Variants in CLOCK observed in about 807,000 individuals in gnomAD.
CLOCK encodes clock circadian regulator.
A neutral mutation model predicts 118.4 loss-of-function variants in CLOCK; 43 were observed. That is an observed-to-expected ratio of 0.36 (90% CI 0.28 to 0.47). CLOCK has a LOEUF of 0.47. Among genes scored for constraint, CLOCK ranks in the 20% least tolerant of loss-of-function variants. The pLI, the probability that CLOCK is intolerant of heterozygous loss-of-function variation, is 1.00. For synonymous variants in CLOCK, 326 were observed against 339.2 expected, an observed-to-expected ratio of 0.96 and a Z score of 0.43; for missense variants, 846 against 999.9, an observed-to-expected ratio of 0.85 and a Z score of 2.08.
At chr4:55,489,780 G>A (rs182563844) in intron 2 of CLOCK, among the ~76,000 whole-genome samples, 25 of 152,184 alleles carry the variant, frequency 1.6e-4, no homozygotes, top group South Asian at 4.1e-4. Flanking sequence ...GAGTAAGAAA[G>A]TTACATTTTT....
chr4:55,474,994 A>AATAC (rs1229039667), intron 7 of CLOCK, among the ~76,000 whole-genome samples: 2 of 152,206 alleles, frequency 1.3e-5, no homozygotes, highest in African/African-American at 4.8e-5. Context: ...TTATTTAAGA[A>AATAC]ATACACTTCA....
intron 9 of CLOCK, among the ~76,000 whole-genome samples, chr4:55,459,739 T>C (rs955165740): frequency 6.6e-6 from 1 of 152,184 alleles, no homozygotes; most frequent in Non-Finnish European, 1.5e-5. Context: ...CACTGCTCAC[T>C]GTGGCATTGA....
At chr4:55,469,491 A>C (rs1453885084) in intron 8 of CLOCK, among the ~76,000 whole-genome samples, 2 of 152,204 alleles carry the variant, frequency 1.3e-5, no homozygotes, top group Non-Finnish European at 2.9e-5. Context: ...AGATGACTCC[A>C]TGCCTATTGT....
intron 2 of CLOCK, among the ~76,000 whole-genome samples, chr4:55,497,554 A>C (rs556662823): frequency 1.3e-5 from 2 of 152,314 alleles, no homozygotes; most frequent in South Asian, 2.1e-4. Flanking sequence ...TGAAACATCA[A>C]AGGATAATTT....
intron 8 of CLOCK, among the ~76,000 whole-genome samples, chr4:55,465,201 A>C (rs1180449026): frequency 6.6e-6 from 1 of 152,224 alleles, no homozygotes; most frequent in Non-Finnish European, 1.5e-5. Flanking sequence ...TAAACACTAT[A>C]GTATAACACA....
Position 55,444,741 on chromosome 4 carries a change from G to A in CLOCK, c.1584C>T (p.Asp528=), listed in dbSNP as rs34812164. Residue 528 remains aspartate (D), a synonymous_variant, in exon 19 of 23, where the codon GAC becomes GAT. Transcript: ENST00000513440. ...AQLGAMQHLK[D]QLEQRTRMIE... ...TCATGCGTGTCCGTTGTTCCAATTG[G>A]TCTTTCAGATGTTGCATGGCTCCTA... 4,602 of 1,613,998 alleles carry A rather than the reference G, an allele frequency of 2.9e-3. 9 individuals are homozygous for A. The highest frequency in any genetic ancestry group is 3.6e-3 in the Non-Finnish European group (4,262 of 1,179,996).
At chr4:55,497,894 C>G (rs752478591) in intron 2 of CLOCK, among the ~76,000 whole-genome samples, 12 of 151,734 alleles carry the variant, frequency 7.9e-5, no homozygotes, top group Non-Finnish European at 1.5e-4. Flanking sequence ...GAATTAAACC[C>G]CAGACTTTGT....
rs373796432 is a variant in CLOCK, at chr4:55,531,703, CAAAAAAAAAAAAAA to C, written c.-290+15065_-290+15078del. On this transcript the variant is annotated intron_variant, in intron 1 of 22. Coordinates refer to ENST00000513440, the MANE Select transcript of CLOCK (RefSeq NM_004898.4). The stretch of plus-strand genomic sequence containing the variant: ...CTGGCGACAGAGCAAGACTTCGTCT[CAAAAAAAAAAAAAA>C]AAAAAAAAAAAAAAGGAATTAACCC... Among the ~76,000 whole-genome samples the C allele has an allele frequency of 1.6e-3, 65 of 41,280 alleles. 2 individuals are homozygous for C. In the Admixed American group the frequency reaches 0.025, roughly 16 times the overall value. The allele number at this position is 41,280 out of a possible 152,430, so 27.1% of individuals were successfully genotyped here. A position where few individuals can be genotyped will look rare whatever the true frequency, so the allele number is the denominator to read the frequency against.
intron 1 of CLOCK, among the ~76,000 whole-genome samples, chr4:55,539,578 A>C (rs1180287626): frequency 6.8e-5 from 10 of 147,094 alleles, no homozygotes; most frequent in Non-Finnish European, 1.4e-4. Context: ...GTCTCAAAAA[A>C]AAAAAAAAAA....
At chr4:55,509,273 G>C (rs534322267) in intron 2 of CLOCK, among the ~76,000 whole-genome samples, 1 of 152,120 alleles carries the variant, frequency 6.6e-6, no homozygotes, top group African/African-American at 2.4e-5. Flanking sequence ...TAGCCTAAAA[G>C]CAGTCATACA....
rs192868453 is a variant in CLOCK at position 55,504,096 on chromosome 4, A to G, written c.-136+5816T>C. On this transcript the variant is annotated intron_variant, in intron 2 of 22. Transcript: ENST00000513440. ...TCAGGAGATCGAGACCATCCTGGCTAACACAGTGAAACCCTGTCTCTACTA... is the reference window on the plus strand; with the variant it reads ...TCAGGAGATCGAGACCATCCTGGCTGACACAGTGAAACCCTGTCTCTACTA... Among the ~76,000 whole-genome samples the G allele has an allele frequency of 8.8e-3, 1,323 of 151,130 alleles. 12 individuals are homozygous for G. The highest frequency in any genetic ancestry group is 0.013 in the Non-Finnish European group (907 of 67,730).
rs528962953 is a variant in CLOCK, at chr4:55,448,723, C to A, written c.1539+56G>T. 4 of 1,411,922 alleles carry A rather than the reference C, an allele frequency of 2.8e-6. 1 individual carries two copies. In the African/African-American group the frequency reaches 4.3e-5, roughly 15 times the overall value. The allele number at this position is 1,411,922 out of a possible 1,614,324, so 87.5% of individuals were successfully genotyped here. A position where few individuals can be genotyped will look rare whatever the true frequency, so the allele number is the denominator to read the frequency against. On this transcript the variant is annotated intron_variant, in intron 18 of 22. Transcript: ENST00000513440. ...TGGATTTTTAAAAAAATTACATTAG[C>A]TTAAAAGCAATTTATCATATTCAAA...
At chr4:55,544,940 A>G (rs1280730162) in intron 1 of CLOCK, among the ~76,000 whole-genome samples, 1 of 152,084 alleles carries the variant, frequency 6.6e-6, no homozygotes, top group Non-Finnish European at 1.5e-5. Flanking sequence ...TTCACTTCAT[A>G]GCAAATTTTT....
intron 7 of CLOCK, 89 bp from the exon 8 acceptor site, chr4:55,470,895 T>G: frequency 5.6e-6 from 5 of 899,920 alleles, no homozygotes; most frequent in Non-Finnish European, 9.0e-6. Context: ...GACAAAGGAT[T>G]TAATATGGAA....
chr4:55,528,346 C>CAA (rs57587198), intron 1 of CLOCK, among the ~76,000 whole-genome samples: 1 of 139,368 alleles, frequency 7.2e-6, no homozygotes, highest in African/African-American at 2.7e-5. Flanking sequence ...AACTCCACCT[C>CAA]AAAAAAAAAA....
chr4:55,505,317 C>T (rs988481072), intron 2 of CLOCK, among the ~76,000 whole-genome samples: 3 of 151,854 alleles, frequency 2.0e-5, no homozygotes, highest in African/African-American at 4.8e-5. Context: ...ATTTTTTAAG[C>T]AGTCCTATTG....
intron 1 of CLOCK, among the ~76,000 whole-genome samples, chr4:55,542,361 ATAATAATAATAATAATAATATTAT>A (rs1457460201): frequency 2.5e-4 from 14 of 57,110 alleles, no homozygotes; most frequent in African/African-American, 1.1e-3. Flanking sequence ...AATAATAATA[ATAATAATAATAATAATAATATTAT>A]TATTATTATT....
intron 2 of CLOCK, among the ~76,000 whole-genome samples, chr4:55,491,328 G>A (rs1727671531): frequency 6.9e-6 from 1 of 144,028 alleles, no homozygotes; most frequent in Non-Finnish European, 1.5e-5. Context: ...CCCATAGAGA[G>A]CAGAAGGAAG....
intron 7 of CLOCK, 138 bp downstream of exon 7, chr4:55,475,825 T>C: frequency 1.5e-6 from 1 of 660,300 alleles, no homozygotes; most frequent in South Asian, 1.7e-5. Flanking sequence ...ATGTGACTCA[T>C]TTTACTGAAA....
Sources: allele counts gnomAD v4.1 joint callset (sites outside exome capture counted in the v4.1 genomes callset), GRCh38; gene constraint gnomAD v4.1.1; transcripts MANE v1.5; gene names NCBI Gene and HGNC (gene_info 2026-07-23, HGNC 2026-07-21).